Variants in DCUN1D5 observed in about 807,000 individuals in gnomAD.
DCUN1D5 encodes the protein defective in cullin neddylation 1 domain containing 5, also known as DCN1-like protein 5.
DCUN1D5 carries 10 observed loss-of-function variants against 38.3 expected under a neutral mutation model. The ratio of observed to expected loss-of-function variants is 0.26; its 90% CI spans 0.16 to 0.44. The LOEUF (loss-of-function observed/expected upper bound fraction) is 0.44. DCUN1D5 is among the 20% of genes least tolerant of loss of function. DCUN1D5 has a pLI of 1.00. For missense variants in DCUN1D5, 148 were observed against 275.3 expected, an observed-to-expected ratio of 0.54 and a Z score of 3.27; for synonymous variants, 93 against 90.9, an observed-to-expected ratio of 1.02 and a Z score of -0.13.
intron 4 of DCUN1D5, among the ~76,000 whole-genome samples, chr11:103,068,618 G>C (rs117146867): frequency 0.011 from 1,741 of 152,196 alleles, 15 homozygotes; most frequent in Non-Finnish European, 0.017. Context: ...TCACTTATAC[G>C]TGGGAGCTAA....
At chr11:103,084,054 A>G (rs1336599838) in intron 2 of DCUN1D5, among the ~76,000 whole-genome samples, 2 of 152,192 alleles carry the variant, frequency 1.3e-5, no homozygotes, top group African/African-American at 2.4e-5. Context: ...ACCCTTAGCA[A>G]CATTAATAAA....
In DCUN1D5 at chr11:103,092,113, G is replaced by A. The variant is rs979985496; in HGVS notation, c.-241C>T. On this transcript the variant is annotated 5_prime_UTR_variant, in exon 1 of 8. Transcript: ENST00000260247. ...TGGACACTGCGGTTCGTTCTCACCG[G>A]GAGGAGATAACGCGGACAGCGCGGC... is the stretch of plus-strand genomic sequence containing the variant. 21 of 482,128 alleles carry A rather than the reference G, an allele frequency of 4.4e-5. No individual in the cohort carries two copies. Among genetic ancestry groups the A allele is most frequent in the South Asian group, 2.9e-4 (10 of 33,900 alleles). 29.9% of individuals were successfully genotyped at this position (482,128 alleles called of 1,614,324 possible). A position where few individuals can be genotyped will look rare whatever the true frequency, so the allele number is the denominator to read the frequency against.
Position 103,062,422 on chromosome 11 carries a change from A to T in DCUN1D5, c.659-8T>A. 1 of 1,610,244 alleles carries T rather than the reference A, an allele frequency of 6.2e-7. No homozygotes were observed. ...CATCAAGAAGAACAGGCCCTAGAAA[A>T]AAAGAAACCATTTTTGTCAGAATTC... is the stretch of plus-strand genomic sequence containing the variant. On this transcript the variant is annotated splice_region_variant and splice_polypyrimidine_tract_variant and intron_variant, in intron 7 of 7. Coordinates refer to ENST00000260247, the MANE Select transcript of DCUN1D5 (RefSeq NM_032299.4). The surrounding 1 kb of genome is among the most constrained non-coding windows in gnomAD (Gnocchi z 4.6).
intron 4 of DCUN1D5, among the ~76,000 whole-genome samples, chr11:103,081,439 T>C (rs546805): frequency 0.088 from 13,404 of 152,288 alleles, 818 homozygotes; most frequent in Non-Finnish European, 0.13. Flanking sequence ...TCAGAATCAA[T>C]GTATTTAACT....
chr11:103,069,978 C>G (rs1375950616), intron 4 of DCUN1D5, among the ~76,000 whole-genome samples: 2 of 151,980 alleles, frequency 1.3e-5, no homozygotes. Context: ...AATGCAAAAA[C>G]ACAATCAATA....
rs77341869 is a variant in DCUN1D5, at chr11:103,058,277, C to T, written c.*4082G>A. 1.5e-4 allele frequency among the ~76,000 whole-genome samples: 23 copies of T among 152,228 alleles called. No individual in the cohort carries two copies. In the East Asian group the frequency reaches 3.3e-3, roughly 22 times the overall value. On this transcript the variant is annotated 3_prime_UTR_variant, in exon 8 of 8. Coordinates refer to ENST00000260247, the MANE Select transcript of DCUN1D5 (RefSeq NM_032299.4). ...AAAAAGAAAATGGTCACACCAATAACAACTGGTCAGGAAAAGGAGCAAAGG... is the reference window on the plus strand; with the variant it reads ...AAAAAGAAAATGGTCACACCAATAATAACTGGTCAGGAAAAGGAGCAAAGG...
intron 4 of DCUN1D5, among the ~76,000 whole-genome samples, chr11:103,074,059 C>A (rs1232947316): frequency 6.6e-6 from 1 of 152,052 alleles, no homozygotes; most frequent in Admixed American, 6.6e-5. Context: ...GTGAGTGAGA[C>A]AACTCACTGG....
At chr11:103,067,074 C>A (rs187133555) in intron 4 of DCUN1D5, among the ~76,000 whole-genome samples, 12 of 152,222 alleles carry the variant, frequency 7.9e-5, no homozygotes, top group Admixed American at 1.3e-4. Flanking sequence ...AAATCAAGAT[C>A]CCTATATTTT....
At position 103,078,659 on chromosome 11, in the gene DCUN1D5, T is replaced by C. The variant is rs1044032650; in HGVS notation, c.341+4089A>G. On this transcript the variant is annotated intron_variant, in intron 4 of 7. Transcript: ENST00000260247. This position sits in a 1 kb window ranked among gnomAD's most constrained non-coding sequence, Gnocchi z 4.6. Reference sequence around the variant, plus strand: ...TACAGTGAAGCCATCACTCAAAATATTAGAATTCAAAACCTATCCTGGCAA... The same window carrying C: ...TACAGTGAAGCCATCACTCAAAATACTAGAATTCAAAACCTATCCTGGCAA... Among the ~76,000 whole-genome samples, 1 of 152,196 alleles carries C rather than the reference T, an allele frequency of 6.6e-6. No homozygotes were observed. Among genetic ancestry groups the C allele is most frequent in the Admixed American group, 6.5e-5 (1 of 15,278 alleles).
At position 103,054,096 on chromosome 11, in the gene DCUN1D5, ATG is replaced by A. The variant is rs1861813461; in HGVS notation, c.*8261_*8262del. The A allele has an allele frequency of 6.6e-6, 1 of 152,134 alleles. No individual in the cohort carries two copies. The highest frequency in any genetic ancestry group is 2.4e-5 in the African/African-American group (1 of 41,456). 9.4% of individuals were successfully genotyped at this position (152,134 alleles called of 1,614,324 possible). A position where few individuals can be genotyped will look rare whatever the true frequency, so the allele number is the denominator to read the frequency against. ...ACCTCATTCCAGAAGGTTCCATTTC[ATG>A]TCAAACTTCTCAAACTGACGTAAGC... On this transcript the variant is annotated 3_prime_UTR_variant, in exon 8 of 8. Coordinates refer to ENST00000260247, the MANE Select transcript of DCUN1D5 (RefSeq NM_032299.4).
rs769917956 is a variant in DCUN1D5, at chr11:103,062,317, C to T, written c.*42G>A. 1.2e-4 allele frequency: 192 copies of T among 1,594,348 alleles called. No individual in the cohort carries two copies. The highest frequency in any genetic ancestry group is 6.2e-4 in the Admixed American group (37 of 59,890). ...CCCTCATCACATTAGCTTGTATACACGTGGGAATTGAAAGGTTTGCATTTT... is the reference window on the plus strand; with the variant it reads ...CCCTCATCACATTAGCTTGTATACATGTGGGAATTGAAAGGTTTGCATTTT... On this transcript the variant is annotated 3_prime_UTR_variant, in exon 8 of 8. Coordinates refer to ENST00000260247, the MANE Select transcript of DCUN1D5 (RefSeq NM_032299.4). The surrounding 1 kb of genome is among the most constrained non-coding windows in gnomAD (Gnocchi z 4.6).
Position 103,083,187 on chromosome 11 carries a change from C to T in DCUN1D5, c.249+69G>A, listed in dbSNP as rs528601948. On this transcript the variant is annotated intron_variant, in intron 3 of 7. Transcript: ENST00000260247. The surrounding 1 kb of genome is among the most constrained non-coding windows in gnomAD (Gnocchi z 4.4). ...ATCTTCATACAAGATTAAAGTGTCT[C>T]GATTTTTAGTAATTTACGAATATGC... 9.2e-6 allele frequency: 7 copies of T among 761,312 alleles called. No individual in the cohort carries two copies. Among genetic ancestry groups the T allele is most frequent in the Middle Eastern group, 4.7e-4 (2 of 4,238 alleles). 47.2% of individuals were successfully genotyped at this position (761,312 alleles called of 1,614,324 possible).
chr11:103,060,627 CTA>C lies in DCUN1D5; in HGVS notation c.*1730_*1731del, dbSNP rs2134596411. Among the ~76,000 whole-genome samples the C allele has an allele frequency of 6.6e-6, 1 of 152,160 alleles. No homozygotes were observed. Among genetic ancestry groups the C allele is most frequent in the Non-Finnish European group, 1.5e-5 (1 of 67,992 alleles). On this transcript the variant is annotated 3_prime_UTR_variant, in exon 8 of 8. Coordinates refer to ENST00000260247, the MANE Select transcript of DCUN1D5 (RefSeq NM_032299.4). ...ATATACCTTTTAAAAAACATGTCAT[CTA>C]TAAGCTTTAAGTGTTCCCTATTTTA... is the stretch of plus-strand genomic sequence containing the variant.
In DCUN1D5 at chr11:103,060,496, G is replaced by C. The variant is rs1320247300; in HGVS notation, c.*1863C>G. 6.6e-6 allele frequency among the ~76,000 whole-genome samples: 1 copy of C among 152,046 alleles called. No homozygotes were observed. The highest frequency in any genetic ancestry group is 2.4e-5 in the African/African-American group (1 of 41,398). ...GAGGGCTGACTTTTTATACAGGCAG[G>C]TTCCACAGGGATGACTGTAGGACTT... On this transcript the variant is annotated 3_prime_UTR_variant, in exon 8 of 8. Transcript: ENST00000260247.
At chr11:103,084,065 T>A (rs1403266011) in intron 2 of DCUN1D5, among the ~76,000 whole-genome samples, 4 of 152,204 alleles carry the variant, frequency 2.6e-5, no homozygotes. Flanking sequence ...CATTAATAAA[T>A]CAATACATCA....
chr11:103,088,521 G>T (rs1416890539), intron 2 of DCUN1D5, among the ~76,000 whole-genome samples: 1 of 152,120 alleles, frequency 6.6e-6, no homozygotes, highest in Non-Finnish European at 1.5e-5. Flanking sequence ...CCCATCCTGG[G>T]CCTAGGGCTC....
intron 2 of DCUN1D5, 108 bp downstream of exon 2, chr11:103,089,119 C>T: frequency 9.0e-7 from 1 of 1,116,918 alleles, no homozygotes. Context: ...CATCCCAGTA[C>T]ACAGCACTAA....
chr11:103,062,251 T>C lies in DCUN1D5; in HGVS notation c.*108A>G, dbSNP rs1437721993. 9.4e-7 allele frequency: 1 copy of C among 1,059,656 alleles called. No individual in the cohort carries two copies. The highest frequency in any genetic ancestry group is 1.4e-5 in the South Asian group (1 of 73,166). 65.6% of individuals were successfully genotyped at this position (1,059,656 alleles called of 1,614,324 possible). On this transcript the variant is annotated 3_prime_UTR_variant, in exon 8 of 8. Coordinates refer to ENST00000260247, the MANE Select transcript of DCUN1D5 (RefSeq NM_032299.4). The surrounding 1 kb of genome is among the most constrained non-coding windows in gnomAD (Gnocchi z 4.6). ...AAGGAAAAAAAAGTACTATGAGAAG[T>C]CTTTCATATGAATGAAAATGCACCC...
At position 103,066,819 on chromosome 11, in the gene DCUN1D5, AAAAC is replaced by A. The variant is rs918872740; in HGVS notation, c.342-256_342-253del. Among the ~76,000 whole-genome samples, 31 of 152,314 alleles carry A rather than the reference AAAAC, an allele frequency of 2.0e-4. No homozygotes were observed. The highest frequency in any genetic ancestry group is 8.3e-4 in the South Asian group (4 of 4,830). On this transcript the variant is annotated intron_variant, in intron 4 of 7. Coordinates refer to ENST00000260247, the MANE Select transcript of DCUN1D5 (RefSeq NM_032299.4). The surrounding 1 kb of genome is among the most constrained non-coding windows in gnomAD (Gnocchi z 4.7). ...AAGTTCACTCCAATTACTTTGCTTAAAAACAAACAAACAGCTCATTCAAAAATTC... is the reference window on the plus strand; with the variant it reads ...AAGTTCACTCCAATTACTTTGCTTAAAAACAAACAGCTCATTCAAAAATTC...
Sources: allele counts gnomAD v4.1 joint callset (sites outside exome capture counted in the v4.1 genomes callset), GRCh38; gene constraint gnomAD v4.1.1; non-coding constraint Gnocchi (gnomAD v3.1); transcripts MANE v1.5; gene names NCBI Gene and HGNC (gene_info 2026-07-23, HGNC 2026-07-21).